BCAR3: variants seen among roughly 807,000 people sequenced by gnomAD.
The protein encoded by BCAR3 is BCAR3 adaptor protein, NSP family member, also known as breast cancer anti-estrogen resistance protein 3.
BCAR3 carries 37 observed loss-of-function variants against 80.1 expected under a neutral mutation model. The observed-to-expected ratio is 0.46, with a 90% CI of 0.36 to 0.61. The LOEUF is 0.61. Among genes scored for constraint, BCAR3 ranks in the 20% least tolerant of loss-of-function variants. BCAR3 has a pLI of 0.00. For synonymous variants in BCAR3, 389 were observed against 418.9 expected, an observed-to-expected ratio of 0.93 and a Z score of 0.87; for missense variants, 978 against 1,068.2, an observed-to-expected ratio of 0.92 and a Z score of 1.18.
At position 93,786,744 on chromosome 1, in the gene BCAR3, A is replaced by C. The variant is rs185449418; in HGVS notation, c.-63+58823T>G. Among the ~76,000 whole-genome samples, 303 of 152,364 alleles carry C rather than the reference A, an allele frequency of 2.0e-3. 1 individual carries two copies. Among genetic ancestry groups the C allele is most frequent in the African/African-American group, 6.9e-3 (287 of 41,598 alleles). ...TTCCTTCCAGGTTTCCAAGGCTGAG[A>C]GAGAACTCACTGAGACAAATAGCAG... On this transcript the variant is annotated intron_variant, in intron 2 of 13. Transcript: ENST00000370244.
chr1:93,618,289 T>A (rs915697083), intron 3 of BCAR3, among the ~76,000 whole-genome samples: 3 of 152,190 alleles, frequency 2.0e-5, no homozygotes, highest in Non-Finnish European at 4.4e-5. Context: ...ACACAGACAG[T>A]ACATTTAGGA....
At chr1:93,711,420 G>A (rs1650018655) in intron 2 of BCAR3, among the ~76,000 whole-genome samples, 1 of 152,186 alleles carries the variant, frequency 6.6e-6, no homozygotes, top group African/African-American at 2.4e-5. Context: ...GCTAGCCTGG[G>A]GGAGTCCACG....
rs1345588642 is a variant in BCAR3 at position 93,592,436 on chromosome 1, C to T, written c.358-43G>A. On this transcript the variant is annotated intron_variant, in intron 3 of 11. Coordinates refer to ENST00000260502, the MANE Select transcript of BCAR3 (RefSeq NM_003567.4). This position sits in a 1 kb window ranked among gnomAD's most constrained non-coding sequence, Gnocchi z 4.8. ...CCATGAGCTCACCCTGCCCAGGCCA[C>T]ACCAGGCCATGCCAGCTGGAGGTGA... is the stretch of plus-strand genomic sequence containing the variant. The T allele has an allele frequency of 6.5e-7, 1 of 1,542,544 alleles. No homozygotes were observed. Among genetic ancestry groups the T allele is most frequent in the Non-Finnish European group, 8.7e-7 (1 of 1,153,158 alleles).
intron 2 of BCAR3, among the ~76,000 whole-genome samples, chr1:93,750,215 G>T (rs1278560816): frequency 6.6e-6 from 1 of 152,150 alleles, no homozygotes; most frequent in Non-Finnish European, 1.5e-5. Flanking sequence ...AACTGCTCAG[G>T]ACTGCCTCCT....
Position 93,603,196 on chromosome 1 carries a change from G to A in BCAR3, c.358-10803C>T, listed in dbSNP as rs947754697. 2.6e-5 allele frequency among the ~76,000 whole-genome samples: 4 copies of A among 152,318 alleles called. No individual in the cohort carries two copies. In the East Asian group the frequency reaches 7.7e-4, roughly 29 times the overall value. On this transcript the variant is annotated intron_variant, in intron 3 of 11. Transcript: ENST00000260502. ...AATTCATATTTTATATCCCTGTTGG[G>A]TAAACAAAACCAAATGTGAACGTGG...
chr1:93,717,503 T>G (rs1044882988), intron 2 of BCAR3, among the ~76,000 whole-genome samples: 1 of 152,014 alleles, frequency 6.6e-6, no homozygotes, highest in African/African-American at 2.4e-5. Flanking sequence ...GGTAGGCGGA[T>G]TGCCTGAGGT....
At chr1:93,680,043 T>A (rs1648677821) in intron 1 of BCAR3, among the ~76,000 whole-genome samples, 1 of 152,184 alleles carries the variant, frequency 6.6e-6, no homozygotes, top group Non-Finnish European at 1.5e-5. Flanking sequence ...CAACCACACA[T>A]ATTCAATTGG....
chr1:93,692,699 GCCCACTTCATCT>G (rs1204128246), intron 3 of BCAR3, among the ~76,000 whole-genome samples: 1 of 152,188 alleles, frequency 6.6e-6, no homozygotes, highest in African/African-American at 2.4e-5. Context: ...TGACTCCACT[GCCCACTTCATCT>G]CCCAGTGTGA....
At chr1:93,635,110 A>C (rs1557632612) in intron 3 of BCAR3, among the ~76,000 whole-genome samples, 1 of 152,030 alleles carries the variant, frequency 6.6e-6, no homozygotes, top group Non-Finnish European at 1.5e-5. Flanking sequence ...CTGGAGTCCT[A>C]GCTACTCAGT....
At chr1:93,621,707 A>C (rs925202042) in intron 3 of BCAR3, among the ~76,000 whole-genome samples, 9 of 152,144 alleles carry the variant, frequency 5.9e-5, no homozygotes, top group Non-Finnish European at 1.3e-4. Context: ...TTTGCATGTA[A>C]TACTTAGGAC....
intron 3 of BCAR3, among the ~76,000 whole-genome samples, chr1:93,696,711 C>T (rs1451009655): frequency 6.6e-6 from 1 of 152,210 alleles, no homozygotes; most frequent in African/African-American, 2.4e-5. Context: ...CCTCAGGATG[C>T]TTCCCCTGAA....
At chr1:93,670,700 T>A (rs1648160135) in intron 2 of BCAR3, among the ~76,000 whole-genome samples, 2 of 152,216 alleles carry the variant, frequency 1.3e-5, no homozygotes, top group South Asian at 4.1e-4. Context: ...TGAAATCTGC[T>A]ATGTCTCTCA....
At chr1:93,756,378 C>T (rs11800378) in intron 2 of BCAR3, among the ~76,000 whole-genome samples, 2,803 of 152,268 alleles carry the variant, frequency 0.018, 83 homozygotes, top group African/African-American at 0.064. Context: ...ATCAACACCC[C>T]ACCACCCTGA....
chr1:93,789,637 A>G (rs1653073100), intron 2 of BCAR3, among the ~76,000 whole-genome samples: 2 of 152,228 alleles, frequency 1.3e-5, no homozygotes, highest in Admixed American at 6.5e-5. Context: ...TTAGAATGAT[A>G]GGGCATACAG....
chr1:93,702,969 C>T (rs542908704), intron 3 of BCAR3, among the ~76,000 whole-genome samples: 1 of 152,312 alleles, frequency 6.6e-6, no homozygotes, highest in African/African-American at 2.4e-5. Flanking sequence ...AGATGAACAG[C>T]CCAGGGACCA....
At chr1:93,673,458 G>A (rs1648316971) in intron 2 of BCAR3, among the ~76,000 whole-genome samples, 1 of 152,288 alleles carries the variant, frequency 6.6e-6, no homozygotes, top group Middle Eastern at 3.4e-3. Context: ...TCTAATATAG[G>A]TGCTCCATAT....
At chr1:93,684,897 T>C (rs1024979753), upstream of BCAR3, among the ~76,000 whole-genome samples, 1 of 152,002 alleles carries the variant, frequency 6.6e-6, no homozygotes, top group Non-Finnish European at 1.5e-5. Flanking sequence ...GCCCAGCTAA[T>C]TTTTGTATTT....
At chr1:93,761,500 C>A (rs1301304622) in intron 2 of BCAR3, among the ~76,000 whole-genome samples, 1 of 152,206 alleles carries the variant, frequency 6.6e-6, no homozygotes, top group Admixed American at 6.5e-5. Flanking sequence ...GCTGAAACCA[C>A]AGGCTGGTCT....
chr1:93,772,473 A>AG (rs1277670113), intron 2 of BCAR3, among the ~76,000 whole-genome samples: 1 of 152,208 alleles, frequency 6.6e-6, no homozygotes, highest in African/African-American at 2.4e-5. Flanking sequence ...TAGCAGGGTT[A>AG]GCTCTTTCCC....
Sources: gnomAD v4.1 joint callset for allele counts (sites outside exome capture counted in the v4.1 genomes callset) on GRCh38, gnomAD v4.1.1 for gene constraint, Gnocchi (gnomAD v3.1) non-coding constraint, MANE v1.5 for transcripts, NCBI Gene and HGNC (gene_info 2026-07-23, HGNC 2026-07-21) for gene names.